Variants in RGS9BP observed in about 807,000 individuals in gnomAD.
RGS9BP encodes the protein regulator of G protein signaling 9-binding protein.
In RGS9BP, 1 loss-of-function variant was observed where a neutral mutation model predicts 3.8. That is an observed-to-expected ratio of 0.26 (90% CI 0.09 to 1.24). The LOEUF (loss-of-function observed/expected upper bound fraction) is 1.24. RGS9BP is among the 50% of genes most tolerant of loss of function. The pLI is 0.48. For synonymous variants in RGS9BP, 200 were observed against 177.8 expected (o/e 1.13, Z -1.00); for missense variants, 363 against 344.3 (o/e 1.05, Z -0.43).
rs745988315 is a variant in RGS9BP, at chr19:32,676,773, G to A, written c.510G>A (p.Val170=). 5.7e-6 allele frequency: 9 copies of A among 1,584,646 alleles called. No homozygotes were observed. The highest frequency in any genetic ancestry group is 4.5e-5 in the South Asian group (4 of 89,214). Residue 170 remains valine (V), a synonymous_variant, in exon 1 of 1, where the codon GTG becomes GTA. Coordinates refer to ENST00000334176, the MANE Select transcript of RGS9BP (RefSeq NM_207391.3). The part of the protein sequence containing the change: ...MIDNMEMKVN[V]PRWTVQARQA... ...ACAACATGGAGATGAAGGTCAACGT[G>A]CCCCGCTGGACCGTGCAAGCCCGGC... is the stretch of plus-strand genomic sequence containing the variant.
Position 32,676,453 on chromosome 19 carries a change from G to C in RGS9BP, c.190G>C (p.Asp64His), listed in dbSNP as rs1968001134. ...CGCCCGGCTGACTGCTGTGCTGCGCGACCGGGGCCTGGCCGCCGACGAGCG... is the reference window on the plus strand; with the variant it reads ...CGCCCGGCTGACTGCTGTGCTGCGCCACCGGGGCCTGGCCGCCGACGAGCG... ...TCARLTAVLRDRGLAADERAE... is the reference protein window; with the variant it reads ...TCARLTAVLRHRGLAADERAE... The change falls in exon 1 of 1, where the codon GAC becomes CAC. Residue 64 changes from aspartate to histidine, a missense_variant. Coordinates refer to ENST00000334176, the MANE Select transcript of RGS9BP (RefSeq NM_207391.3). 5 of 1,579,000 alleles carry C rather than the reference G, an allele frequency of 3.2e-6. No individual in the cohort carries two copies. The highest frequency in any genetic ancestry group is 2.3e-5 in the South Asian group (2 of 88,548).
Position 32,677,177 on chromosome 19 carries a change from G to A in RGS9BP, c.*206G>A. 1 of 620,288 alleles carries A rather than the reference G, an allele frequency of 1.6e-6. No individual in the cohort carries two copies. The allele number at this position is 620,288 out of a possible 1,614,324, so 38.4% of individuals were successfully genotyped here. A position where few individuals can be genotyped will look rare whatever the true frequency, so the allele number is the denominator to read the frequency against. On this transcript the variant is annotated 3_prime_UTR_variant, in exon 1 of 1. Transcript: ENST00000334176. ...GGAGTTAACTTTGCGCCGGCCGTCA[G>A]GGCATTACCGCTAACGTCTGCAGGA...
Position 32,678,189 on chromosome 19 carries a change from G to A in RGS9BP, c.*1218G>A, listed in dbSNP as rs1968040360. 1 of 166,872 alleles carries A rather than the reference G, an allele frequency of 6.0e-6. No individual in the cohort carries two copies. The highest frequency in any genetic ancestry group is 2.4e-5 in the African/African-American group (1 of 41,338). 10.3% of individuals were successfully genotyped at this position (166,872 alleles called of 1,614,324 possible). A position where few individuals can be genotyped will look rare whatever the true frequency, so the allele number is the denominator to read the frequency against. ...GGGCCATGAACTCATACCTGCCAAT[G>A]AGTCAAACATAGTATCTTTATGTAG... On this transcript the variant is annotated 3_prime_UTR_variant, in exon 1 of 1. Coordinates refer to ENST00000334176, the MANE Select transcript of RGS9BP (RefSeq NM_207391.3).
Position 32,676,661 on chromosome 19 carries a change from G to A in RGS9BP, c.398G>A (p.Ser133Asn). The part of the protein sequence containing the change: ...GVAARALSTR[S>N]LRLEAEGDFD... ...GCGGCGCGCGCGCTGAGCACCCGCAGCCTGCGGCTCGAGGCGGAGGGCGAC... is the reference window on the plus strand; with the variant it reads ...GCGGCGCGCGCGCTGAGCACCCGCAACCTGCGGCTCGAGGCGGAGGGCGAC... The change falls in exon 1 of 1, where the codon AGC (serine) becomes AAC (asparagine). Residue 133 changes from serine to asparagine, a missense_variant. Transcript: ENST00000334176. The A allele has an allele frequency of 6.5e-7, 1 of 1,534,312 alleles. No homozygotes were observed. Among genetic ancestry groups the A allele is most frequent in the South Asian group, 1.2e-5 (1 of 84,066 alleles).
Position 32,676,685 on chromosome 19 carries a change from A to G in RGS9BP, c.422A>G (p.Asp141Gly). Residue 141 changes from aspartate (D) to glycine (G), a missense_variant, in exon 1 of 1, where the codon GAC (aspartate) becomes GGC (glycine). Physicochemically the swap from Asp to Gly is moderately conservative, Grantham distance 94. Transcript: ENST00000334176. Reference sequence around the variant, plus strand: ...AGCCTGCGGCTCGAGGCGGAGGGCGACTTCGACGTCGCGGACCTGCGGGAG... The same window carrying G: ...AGCCTGCGGCTCGAGGCGGAGGGCGGCTTCGACGTCGCGGACCTGCGGGAG... ...TRSLRLEAEGDFDVADLRELE... is the reference protein window; with the variant it reads ...TRSLRLEAEGGFDVADLRELE... The G allele has an allele frequency of 6.5e-7, 1 of 1,535,596 alleles. No homozygotes were observed. Among genetic ancestry groups the G allele is most frequent in the Non-Finnish European group, 8.7e-7 (1 of 1,146,860 alleles).
rs1967988469 is a variant in RGS9BP, at chr19:32,676,025, G to A, written c.-239G>A. ...GACTCGGAGTGCGCCTGGGGAGGAT[G>A]GACGAGGGAGCGGGGGACCGCTAAC... On this transcript the variant is annotated 5_prime_UTR_variant, in exon 1 of 1. The change abolishes an upstream ATG in the 5' untranslated region. Coordinates refer to ENST00000334176, the MANE Select transcript of RGS9BP (RefSeq NM_207391.3). 1 of 510,034 alleles carries A rather than the reference G, an allele frequency of 2.0e-6. No individual in the cohort carries two copies. Among genetic ancestry groups the A allele is most frequent in the Admixed American group, 3.7e-5 (1 of 26,950 alleles). The allele number at this position is 510,034 out of a possible 1,614,324, so 31.6% of individuals were successfully genotyped here.
chr19:32,676,988 G>T lies in RGS9BP; in HGVS notation c.*17G>T. 6.3e-7 allele frequency: 1 copy of T among 1,577,598 alleles called. No individual in the cohort carries two copies. Among genetic ancestry groups the T allele is most frequent in the Non-Finnish European group, 8.6e-7 (1 of 1,160,382 alleles). ...CTGAGCTGACGGACACCCGACGGCCGCCTGCTGCTGCCGCTCCCTCCCCTG... is the reference window on the plus strand; with the variant it reads ...CTGAGCTGACGGACACCCGACGGCCTCCTGCTGCTGCCGCTCCCTCCCCTG... On this transcript the variant is annotated 3_prime_UTR_variant, in exon 1 of 1. Transcript: ENST00000334176.
chr19:32,677,735 C>T lies in RGS9BP; in HGVS notation c.*764C>T, dbSNP rs10413184. The T allele has an allele frequency of 0.044, 7,419 of 167,206 alleles. 517 individuals carry two copies. Among genetic ancestry groups the T allele is most frequent in the African/African-American group, 0.15 (6,060 of 41,520 alleles). 10.4% of individuals were successfully genotyped at this position (167,206 alleles called of 1,614,324 possible). On this transcript the variant is annotated 3_prime_UTR_variant, in exon 1 of 1. Transcript: ENST00000334176. The stretch of plus-strand genomic sequence containing the variant: ...TGCGGAAAAGGGCTCTCCCCAGCCA[C>T]CCGGAGATGGGGGTAAGAGGAAGAG...
chr19:32,677,108 A>G lies in RGS9BP; in HGVS notation c.*137A>G. On this transcript the variant is annotated 3_prime_UTR_variant, in exon 1 of 1. Coordinates refer to ENST00000334176, the MANE Select transcript of RGS9BP (RefSeq NM_207391.3). ...ATGGGTACACGCGCGTTTCCAGTGC[A>G]CATCTGCCTGGGCAGGACACGGTTT... The G allele has an allele frequency of 1.3e-6, 1 of 769,176 alleles. No homozygotes were observed. The highest frequency in any genetic ancestry group is 2.2e-6 in the Non-Finnish European group (1 of 446,990). 47.6% of individuals were successfully genotyped at this position (769,176 alleles called of 1,614,324 possible).
Position 32,676,368 on chromosome 19 carries a change from C to T in RGS9BP, c.105C>T (p.Asn35=), listed in dbSNP as rs756326357. ...LTVGGSADSQ[N]LRQELQKTRQ... ...TCGGTGGCTCGGCGGACTCGCAGAA[C>T]CTGCGGCAGGAGCTGCAAAAGACGC... Residue 35 remains asparagine, a synonymous_variant, in exon 1 of 1, where the codon AAC becomes AAT. Transcript: ENST00000334176. The T allele has an allele frequency of 1.1e-4, 180 of 1,611,390 alleles. No homozygotes were observed. Among genetic ancestry groups the T allele is most frequent in the Non-Finnish European group, 1.4e-4 (164 of 1,179,464 alleles).
In RGS9BP at chr19:32,676,155, G is replaced by A; in HGVS notation, c.-109G>A. 2.9e-6 allele frequency: 2 copies of A among 695,646 alleles called. No individual in the cohort carries two copies. The highest frequency in any genetic ancestry group is 2.0e-5 in the South Asian group (1 of 50,920). 43.1% of individuals were successfully genotyped at this position (695,646 alleles called of 1,614,324 possible). On this transcript the variant is annotated 5_prime_UTR_variant, in exon 1 of 1. Coordinates refer to ENST00000334176, the MANE Select transcript of RGS9BP (RefSeq NM_207391.3). ...CCGAGCGAGTCACGGACCATGAAGA[G>A]CGTTCGTGCCGCGCGGCCCAAGGCC...
Position 32,676,656 on chromosome 19 carries a change from C to A in RGS9BP, c.393C>A (p.Thr131=). 6.5e-7 allele frequency: 1 copy of A among 1,534,122 alleles called. No homozygotes were observed. Among genetic ancestry groups the A allele is most frequent in the Non-Finnish European group, 8.7e-7 (1 of 1,145,958 alleles). The part of the protein sequence containing the change: ...SSGVAARALS[T]RSLRLEAEGD... ...GCGTGGCGGCGCGCGCGCTGAGCACCCGCAGCCTGCGGCTCGAGGCGGAGG... is the reference window on the plus strand; with the variant it reads ...GCGTGGCGGCGCGCGCGCTGAGCACACGCAGCCTGCGGCTCGAGGCGGAGG... The change falls in exon 1 of 1, where the codon ACC becomes ACA. Residue 131 remains threonine (T), a synonymous_variant. Coordinates refer to ENST00000334176, the MANE Select transcript of RGS9BP (RefSeq NM_207391.3).
chr19:32,677,416 G>A lies in RGS9BP; in HGVS notation c.*445G>A, dbSNP rs117286585. The A allele has an allele frequency of 2.5e-3, 468 of 186,232 alleles. 6 individuals are homozygous for A. The East Asian group carries it at 0.037, about 15-fold the overall frequency. 11.5% of individuals were successfully genotyped at this position (186,232 alleles called of 1,614,324 possible). A position where few individuals can be genotyped will look rare whatever the true frequency, so the allele number is the denominator to read the frequency against. The stretch of plus-strand genomic sequence containing the variant: ...GGACGCTGTTTGGTTCTATGTGGTT[G>A]GTCTGTTTCCCGGACAAGAAAAATT... On this transcript the variant is annotated 3_prime_UTR_variant, in exon 1 of 1. Transcript: ENST00000334176.
In RGS9BP at chr19:32,677,467, T is replaced by G. The variant is rs538179479; in HGVS notation, c.*496T>G. Reference sequence around the variant, plus strand: ...GCAATCAAATGTCAGCAGCTTTTATTACCTTAATCTTTCAGGGCCTAAATT... The same window carrying G: ...GCAATCAAATGTCAGCAGCTTTTATGACCTTAATCTTTCAGGGCCTAAATT... On this transcript the variant is annotated 3_prime_UTR_variant, in exon 1 of 1. Transcript: ENST00000334176. 125 of 174,896 alleles carry G rather than the reference T, an allele frequency of 7.1e-4. No individual in the cohort carries two copies. The highest frequency in any genetic ancestry group is 2.7e-3 in the African/African-American group (114 of 41,688). 10.8% of individuals were successfully genotyped at this position (174,896 alleles called of 1,614,324 possible).
rs1968017686 is a variant in RGS9BP, at chr19:32,676,904, C to G, written c.641C>G (p.Ala214Gly). ...GGCDPRKALA[A>G]ILFGAVLLAA... is the part of the protein sequence containing the mutation. The stretch of plus-strand genomic sequence containing the variant: ...TGCGACCCCAGGAAGGCCCTGGCCG[C>G]CATCCTTTTCGGCGCCGTGCTGCTG... The change falls in exon 1 of 1, where the codon GCC becomes GGC. Residue 214 changes from alanine to glycine, a missense_variant. Ala to Gly is a moderately conservative substitution (Grantham distance 60). Transcript: ENST00000334176. The G allele has an allele frequency of 6.2e-7, 1 of 1,600,226 alleles. No homozygotes were observed. The highest frequency in any genetic ancestry group is 8.5e-7 in the Non-Finnish European group (1 of 1,178,094).
Position 32,676,848 on chromosome 19 carries a change from G to A in RGS9BP, c.585G>A (p.Ser195=). The change falls in exon 1 of 1, where the codon TCG becomes TCA. Residue 195 remains serine, a synonymous_variant. Transcript: ENST00000334176. ...CCACGGTCAGCGCCGGCCCCTCCTC[G>A]GTCGTGTCCTTGCAGGAGCGCGGGG... The part of the protein sequence containing the change: ...LLSTVSAGPS[S]VVSLQERGGG... 3 of 1,590,122 alleles carry A rather than the reference G, an allele frequency of 1.9e-6. No homozygotes were observed. The highest frequency in any genetic ancestry group is 2.6e-6 in the Non-Finnish European group (3 of 1,174,972).
Position 32,676,566 on chromosome 19 carries a change from C to G in RGS9BP, c.303C>G (p.Ala101=). 1.4e-6 allele frequency: 2 copies of G among 1,421,054 alleles called. No homozygotes were observed. Among genetic ancestry groups the G allele is most frequent in the Non-Finnish European group, 1.8e-6 (2 of 1,099,498 alleles). 88.0% of individuals were successfully genotyped at this position (1,421,054 alleles called of 1,614,324 possible). A position where few individuals can be genotyped will look rare whatever the true frequency, so the allele number is the denominator to read the frequency against. The stretch of plus-strand genomic sequence containing the variant: ...TGCGACGCGCGCTGGAGCTGGGCGC[C>G]GCGTTCCCGCTGCACGCGCCGCGGC... ...ADMRRALELG[A]AFPLHAPRRP... The change falls in exon 1 of 1, where the codon GCC becomes GCG. Residue 101 remains alanine (A), a synonymous_variant. Coordinates refer to ENST00000334176, the MANE Select transcript of RGS9BP (RefSeq NM_207391.3).
rs1242079006 is a variant in RGS9BP, at chr19:32,678,226, AC to A, written c.*1256del. On this transcript the variant is annotated 3_prime_UTR_variant, in exon 1 of 1. Transcript: ENST00000334176. ...GTATCTTTATGTAGATACTTAGATT[AC>A]TAAATATATATTTCATCTACTTCTG... is the stretch of plus-strand genomic sequence containing the variant. 6.0e-6 allele frequency: 1 copy of A among 166,388 alleles called. No homozygotes were observed. The highest frequency in any genetic ancestry group is 1.5e-5 in the Non-Finnish European group (1 of 68,066). 10.3% of individuals were successfully genotyped at this position (166,388 alleles called of 1,614,324 possible). A position where few individuals can be genotyped will look rare whatever the true frequency, so the allele number is the denominator to read the frequency against.
At position 32,676,694 on chromosome 19, in the gene RGS9BP, T is replaced by C. The variant is rs1257295538; in HGVS notation, c.431T>C (p.Val144Ala). The change falls in exon 1 of 1, where the codon GTC (valine) becomes GCC (alanine). Residue 144 changes from valine (V) to alanine (A), a missense_variant. By Grantham distance (64) the Val-to-Ala change is moderately conservative (BLOSUM62 0). Transcript: ENST00000334176. ...LRLEAEGDFD[V>A]ADLRELEREV... is the part of the protein sequence containing the mutation. ...CTCGAGGCGGAGGGCGACTTCGACG[T>C]CGCGGACCTGCGGGAGCTGGAGCGC... The C allele has an allele frequency of 5.2e-6, 8 of 1,536,906 alleles. No individual in the cohort carries two copies. The African/African-American group carries it at 8.2e-5, about 16-fold the overall frequency.
Sources: allele counts gnomAD v4.1 joint callset, GRCh38; gene constraint gnomAD v4.1.1; transcripts MANE v1.5; gene names NCBI Gene and HGNC (gene_info 2026-07-23, HGNC 2026-07-21).